Variants in MBOAT2 observed in about 807,000 individuals in gnomAD.
The protein encoded by MBOAT2 is membrane-bound glycerophospholipid O-acyltransferase 2.
Under a neutral mutation model 63.4 loss-of-function variants are expected in MBOAT2, and 28 were observed. That is an observed-to-expected ratio of 0.44 (90% CI 0.33 to 0.61). MBOAT2 has a LOEUF of 0.61. Ranked by LOEUF, MBOAT2 falls within the 20% of genes least tolerant of loss-of-function variation. The pLI, the probability that MBOAT2 is intolerant of heterozygous loss-of-function variation, is 0.03. For synonymous variants in MBOAT2, 211 were observed against 215.6 expected (o/e 0.98, Z 0.19); for missense variants, 470 against 605.8 (o/e 0.78, Z 2.35).
intron 2 of MBOAT2, among the ~76,000 whole-genome samples, chr2:8,951,921 C>T (rs1482702997): frequency 6.6e-6 from 1 of 152,108 alleles, no homozygotes; most frequent in Non-Finnish European, 1.5e-5. Context: ...GTCTCAATTT[C>T]ATTCAGTTCA....
intron 1 of MBOAT2, among the ~76,000 whole-genome samples, chr2:8,967,137 G>T (rs1670050448): frequency 6.6e-6 from 1 of 152,132 alleles, no homozygotes; most frequent in Non-Finnish European, 1.5e-5. Context: ...CATACTGTCT[G>T]GGAATGCCTA....
chr2:8,909,926 C>T (rs1028988206), intron 3 of MBOAT2, among the ~76,000 whole-genome samples: 3 of 152,214 alleles, frequency 2.0e-5, no homozygotes, highest in East Asian at 1.9e-4. Flanking sequence ...TCCTGCTCCC[C>T]GTCAAGAGGA....
chr2:8,896,249 A>G (rs1664460612), intron 4 of MBOAT2, among the ~76,000 whole-genome samples: 1 of 151,878 alleles, frequency 6.6e-6, no homozygotes, highest in Admixed American at 6.6e-5. Flanking sequence ...AAAAAAAAAA[A>G]AAAAAAAAAA....
At position 8,862,742 on chromosome 2, in the gene MBOAT2, T is replaced by C. The variant is rs1158976766; in HGVS notation, c.1053-20A>G. On this transcript the variant is annotated intron_variant, in intron 10 of 12. Transcript: ENST00000305997. This position sits in a 1 kb window ranked among gnomAD's most constrained non-coding sequence, Gnocchi z 4.3. ...CACACCCTAGAAACCATGAAAAACA[T>C]GGAGAGCCAAGTGGAGTGAGTGACC... is the stretch of plus-strand genomic sequence containing the variant. 1 of 1,602,112 alleles carries C rather than the reference T, an allele frequency of 6.2e-7. No individual in the cohort carries two copies. Among genetic ancestry groups the C allele is most frequent in the South Asian group, 1.1e-5 (1 of 88,518 alleles).
chr2:8,898,691 T>C (rs1436799652), intron 4 of MBOAT2, among the ~76,000 whole-genome samples: 1 of 152,304 alleles, frequency 6.6e-6, no homozygotes, highest in East Asian at 1.9e-4. Context: ...GGGCTATCCC[T>C]AAACCCTGGG....
chr2:8,900,442 A>T (rs1279472638), intron 4 of MBOAT2, among the ~76,000 whole-genome samples: 1 of 152,156 alleles, frequency 6.6e-6, no homozygotes, highest in African/African-American at 2.4e-5. Context: ...ACCTATCAGG[A>T]TCATCTGAAA....
intron 4 of MBOAT2, among the ~76,000 whole-genome samples, chr2:8,893,858 A>G (rs569320975): frequency 6.6e-6 from 1 of 152,164 alleles, no homozygotes; most frequent in Non-Finnish European, 1.5e-5. Flanking sequence ...CACTGGGATA[A>G]GCAGCAGAAC....
intron 2 of MBOAT2, among the ~76,000 whole-genome samples, chr2:8,946,147 C>A (rs1047442176): frequency 6.6e-6 from 1 of 152,138 alleles, no homozygotes; most frequent in Non-Finnish European, 1.5e-5. Flanking sequence ...CTAGCTATCA[C>A]GCCATGTTTT....
At chr2:8,952,405 G>A (rs1348366336) in intron 2 of MBOAT2, among the ~76,000 whole-genome samples, 1 of 152,204 alleles carries the variant, frequency 6.6e-6, no homozygotes, top group Non-Finnish European at 1.5e-5. Flanking sequence ...TGGCTGATGG[G>A]TGGAGTATTC....
chr2:8,855,798 T>C lies in MBOAT2; in HGVS notation c.*2881A>G, dbSNP rs940248236. On this transcript the variant is annotated 3_prime_UTR_variant, in exon 13 of 13. Coordinates refer to ENST00000305997, the MANE Select transcript of MBOAT2 (RefSeq NM_138799.4). The stretch of plus-strand genomic sequence containing the variant: ...TTGTTCATTTTTTCCCTGAGTAGTA[T>C]ATAATTAACCAAAAGTATAAATATG... 6.6e-6 allele frequency: 1 copy of C among 152,198 alleles called. No individual in the cohort carries two copies. Among genetic ancestry groups the C allele is most frequent in the Non-Finnish European group, 1.5e-5 (1 of 68,040 alleles). 9.4% of individuals were successfully genotyped at this position (152,198 alleles called of 1,614,324 possible).
intron 1 of MBOAT2, among the ~76,000 whole-genome samples, chr2:9,001,480 T>A (rs769405489): frequency 3.9e-5 from 6 of 152,168 alleles, no homozygotes; most frequent in Non-Finnish European, 7.3e-5. Flanking sequence ...TTCAGCTCCA[T>A]CATAATCTTA....
Position 8,853,123 on chromosome 2 carries a change from A to T in MBOAT2, c.*5556T>A, listed in dbSNP as rs1660870767. Reference sequence around the variant, plus strand: ...AAGACAACGTTTAAAGGAAGGCAGGAATGAAATCACACATTTTCACTCTGT... The same window carrying T: ...AAGACAACGTTTAAAGGAAGGCAGGTATGAAATCACACATTTTCACTCTGT... On this transcript the variant is annotated 3_prime_UTR_variant, in exon 13 of 13. Transcript: ENST00000305997. 3 of 152,198 alleles carry T rather than the reference A, an allele frequency of 2.0e-5. No homozygotes were observed. Among genetic ancestry groups the T allele is most frequent in the Admixed American group, 6.5e-5 (1 of 15,280 alleles). The allele number at this position is 152,198 out of a possible 1,614,324, so 9.4% of individuals were successfully genotyped here.
intron 1 of MBOAT2, among the ~76,000 whole-genome samples, chr2:8,967,788 G>A (rs1670104967): frequency 6.6e-6 from 1 of 151,972 alleles, no homozygotes; most frequent in African/African-American, 2.4e-5. Flanking sequence ...GAAATATTTT[G>A]AGTATAACAC....
At chr2:8,956,004 T>C (rs1669194571) in intron 2 of MBOAT2, among the ~76,000 whole-genome samples, 1 of 152,206 alleles carries the variant, frequency 6.6e-6, no homozygotes, top group East Asian at 1.9e-4. Flanking sequence ...CATAATTATA[T>C]TGCATACTTA....
chr2:8,977,204 T>A (rs1026512302), intron 1 of MBOAT2, among the ~76,000 whole-genome samples: 3 of 152,092 alleles, frequency 2.0e-5, no homozygotes, highest in Non-Finnish European at 4.4e-5. Context: ...CACTTATACC[T>A]CAATAAAGCT....
chr2:8,915,947 CA>C (rs555551913), intron 3 of MBOAT2, among the ~76,000 whole-genome samples: 88 of 152,296 alleles, frequency 5.8e-4, no homozygotes, highest in African/African-American at 2.1e-3. Context: ...CCATCACTGT[CA>C]TCTCACCCTC....
intron 6 of MBOAT2, 78 bp from the exon 7 acceptor site, chr2:8,877,291 T>C (rs1662766444): frequency 7.5e-7 from 1 of 1,325,126 alleles, no homozygotes; most frequent in East Asian, 2.4e-5. Context: ...TCCACCTCAC[T>C]GCTCTCCATT....
intron 8 of MBOAT2, among the ~76,000 whole-genome samples, chr2:8,872,793 G>A (rs1396705269): frequency 6.6e-6 from 1 of 152,128 alleles, no homozygotes; most frequent in African/African-American, 2.4e-5. Context: ...ATAACCATCT[G>A]GAGGATAAGA....
intron 1 of MBOAT2, among the ~76,000 whole-genome samples, chr2:8,977,617 C>A (rs1670913287): frequency 6.6e-6 from 1 of 152,138 alleles, no homozygotes; most frequent in East Asian, 1.9e-4. Context: ...TCCTATATGG[C>A]TCTGAAGTGA....
Sources: gnomAD v4.1 joint callset for allele counts (sites outside exome capture counted in the v4.1 genomes callset) on GRCh38, gnomAD v4.1.1 for gene constraint, Gnocchi (gnomAD v3.1) non-coding constraint, MANE v1.5 for transcripts, NCBI Gene and HGNC (gene_info 2026-07-23, HGNC 2026-07-21) for gene names.